CDH22: variants seen among roughly 807,000 people sequenced by gnomAD.
CDH22 encodes cadherin-22.
CDH22 carries 30 observed loss-of-function variants against 58.4 expected under a neutral mutation model. The observed-to-expected ratio is 0.51, with a 90% CI of 0.38 to 0.70. CDH22 has a LOEUF of 0.70. Ranked by LOEUF, CDH22 falls within the 30% of genes least tolerant of loss-of-function variation. The probability of loss-of-function intolerance (pLI) is 0.00; values close to 1 mark genes in which losing one functional copy is unlikely to be tolerated. For synonymous variants in CDH22, 513 were observed against 558.2 expected, an observed-to-expected ratio of 0.92 and a Z score of 1.14; for missense variants, 1,014 against 1,233.9, an observed-to-expected ratio of 0.82 and a Z score of 2.67.
intron 8 of CDH22, among the ~76,000 whole-genome samples, chr20:46,195,244 C>T (rs989304097): frequency 2.6e-5 from 4 of 152,214 alleles, no homozygotes; most frequent in African/African-American, 9.6e-5. Flanking sequence ...TTCATCCATT[C>T]GGTAAACACA....
At chr20:46,234,412 C>CA (rs2086240176) in intron 3 of CDH22, among the ~76,000 whole-genome samples, 1 of 152,148 alleles carries the variant, frequency 6.6e-6, no homozygotes, top group Non-Finnish European at 1.5e-5. Context: ...TCATTAGTAA[C>CA]ATGAAGACAC....
At chr20:46,250,994 T>A (rs750815293) in intron 2 of CDH22, 46 bp downstream of exon 2, 2 of 1,179,596 alleles carry the variant, frequency 1.7e-6, no homozygotes, top group South Asian at 1.2e-5. Flanking sequence ...CCCGTGGGTG[T>A]CCCCAGGGTC....
intron 1 of CDH22, among the ~76,000 whole-genome samples, chr20:46,263,423 TGTGTGC>T (rs1401243711): frequency 6.6e-6 from 1 of 151,618 alleles, no homozygotes; most frequent in Non-Finnish European, 1.5e-5. Flanking sequence ...TGTGTGTGTG[TGTGTGC>T]GTGTGTGTGC....
At chr20:46,290,801 A>C (rs1163670901) in intron 1 of CDH22, among the ~76,000 whole-genome samples, 1 of 151,836 alleles carries the variant, frequency 6.6e-6, no homozygotes, top group Non-Finnish European at 1.5e-5. Flanking sequence ...AGAGAGAGAG[A>C]GTAATAGTTT....
chr20:46,292,584 G>A (rs559971827), intron 1 of CDH22, among the ~76,000 whole-genome samples: 1 of 152,200 alleles, frequency 6.6e-6, no homozygotes, highest in Non-Finnish European at 1.5e-5. Flanking sequence ...CTTAGTCCTG[G>A]CTGTGCCTGC....
Position 46,174,143 on chromosome 20 carries a change from G to T in CDH22, c.*363C>A. On this transcript the variant is annotated 3_prime_UTR_variant, in exon 12 of 12. Transcript: ENST00000537909. This position sits in a 1 kb window ranked among gnomAD's most constrained non-coding sequence, Gnocchi z 4.4. Reference sequence around the variant, plus strand: ...ACTCTGATGGGGGAAACCTGGGGTGGGGGCATCTCAGCGGCGTGCTCCCTC... The same window carrying T: ...ACTCTGATGGGGGAAACCTGGGGTGTGGGCATCTCAGCGGCGTGCTCCCTC... 3.3e-6 allele frequency: 1 copy of T among 299,848 alleles called. No individual in the cohort carries two copies. Among genetic ancestry groups the T allele is most frequent in the Non-Finnish European group, 6.1e-6 (1 of 163,892 alleles). 18.6% of individuals were successfully genotyped at this position (299,848 alleles called of 1,614,324 possible). A position where few individuals can be genotyped will look rare whatever the true frequency, so the allele number is the denominator to read the frequency against.
intron 10 of CDH22, among the ~76,000 whole-genome samples, chr20:46,186,104 C>T (rs2085822985): frequency 6.7e-6 from 1 of 149,856 alleles, no homozygotes; most frequent in South Asian, 2.1e-4. Context: ...CTCCGAGCTA[C>T]TTGGGAGGCT....
intron 1 of CDH22, among the ~76,000 whole-genome samples, chr20:46,284,477 T>C (rs2086567033): frequency 6.6e-6 from 1 of 152,238 alleles, no homozygotes; most frequent in East Asian, 1.9e-4. Context: ...GAATCCCTGC[T>C]GTATGCAAGC....
chr20:46,202,302 C>CT (rs536219923), intron 7 of CDH22, among the ~76,000 whole-genome samples: 1 of 151,922 alleles, frequency 6.6e-6, no homozygotes, highest in Non-Finnish European at 1.5e-5. Context: ...TACAGCGACT[C>CT]TGTCACAGAA....
At position 46,178,105 on chromosome 20, in the gene CDH22, G is replaced by A. The variant is rs866949028; in HGVS notation, c.1756C>T (p.Pro586Ser). The change falls in exon 11 of 12, where the codon CCG (proline) becomes TCG (serine). Residue 586 changes from proline (P) to serine (S), a missense_variant. Transcript: ENST00000537909. ...FLPILVVDSG[P>S]PTLSSTGTLT... ...GTGCCTGTGCTGCTCAGTGTGGGCG[G>A]CCCACTGTCTACCACCAGGATGGGC... 2.5e-6 allele frequency: 4 copies of A among 1,613,822 alleles called. No homozygotes were observed. The highest frequency in any genetic ancestry group is 3.3e-5 in the Admixed American group (2 of 59,998).
chr20:46,299,114 T>G (rs1249202192), intron 1 of CDH22, among the ~76,000 whole-genome samples: 1 of 152,174 alleles, frequency 6.6e-6, no homozygotes, highest in African/African-American at 2.4e-5. Flanking sequence ...AGCCTGGAGC[T>G]CCACGCATCT....
chr20:46,232,687 A>T (rs1284161825), intron 3 of CDH22, among the ~76,000 whole-genome samples: 2 of 152,156 alleles, frequency 1.3e-5, no homozygotes, highest in East Asian at 3.8e-4. Flanking sequence ...ATTAAAAATT[A>T]AAAACCACTT....
In CDH22 at chr20:46,227,640, G is replaced by C; in HGVS notation, c.551-13C>G. ...ATCACCGACGTGCCTGGGCCCGGGG[G>C]ACCAAGCGAGACAGGGGTCATCTGG... is the stretch of plus-strand genomic sequence containing the variant. On this transcript the variant is annotated splice_polypyrimidine_tract_variant and intron_variant, in intron 3 of 11. Transcript: ENST00000537909. 3 of 1,604,514 alleles carry C rather than the reference G, an allele frequency of 1.9e-6. No homozygotes were observed. The highest frequency in any genetic ancestry group is 2.6e-6 in the Non-Finnish European group (3 of 1,176,164).
At chr20:46,244,971 G>A (rs1465775407) in intron 2 of CDH22, among the ~76,000 whole-genome samples, 2 of 152,190 alleles carry the variant, frequency 1.3e-5, no homozygotes, top group Admixed American at 6.5e-5. Context: ...GCATGACCCT[G>A]GGCAAGTGGC....
chr20:46,259,119 A>G (rs1357459558), intron 1 of CDH22, among the ~76,000 whole-genome samples: 1 of 152,210 alleles, frequency 6.6e-6, no homozygotes, highest in Non-Finnish European at 1.5e-5. Flanking sequence ...TTCATTCCAC[A>G]AACTCTTACA....
chr20:46,212,189 A>C (rs991717975), intron 6 of CDH22, among the ~76,000 whole-genome samples: 1 of 152,244 alleles, frequency 6.6e-6, no homozygotes, highest in Non-Finnish European at 1.5e-5. Flanking sequence ...GCTGATAGGC[A>C]CAGATTTAAG....
At chr20:46,223,817 T>TTCCTTC (rs2086151133) in intron 4 of CDH22, among the ~76,000 whole-genome samples, 1 of 138,070 alleles carries the variant, frequency 7.2e-6, no homozygotes, top group African/African-American at 2.8e-5. Context: ...TTTCTTCCTT[T>TTCCTTC]CTTCCTTCCT....
chr20:46,307,963 C>T (rs921050376), intron 1 of CDH22, among the ~76,000 whole-genome samples: 1 of 151,732 alleles, frequency 6.6e-6, no homozygotes, highest in Non-Finnish European at 1.5e-5. Context: ...CCCGGGCGCG[C>T]GGCGGACGAG....
intron 10 of CDH22, among the ~76,000 whole-genome samples, 179 bp downstream of exon 10, chr20:46,186,409 C>T (rs940766081): frequency 6.6e-6 from 1 of 151,764 alleles, no homozygotes; most frequent in Admixed American, 6.6e-5. Flanking sequence ...CACCAACCCA[C>T]ACCCTGCTTG....
Sources: allele counts gnomAD v4.1 joint callset (sites outside exome capture counted in the v4.1 genomes callset), GRCh38; gene constraint gnomAD v4.1.1; non-coding constraint Gnocchi (gnomAD v3.1); transcripts MANE v1.5; gene names NCBI Gene and HGNC (gene_info 2026-07-23, HGNC 2026-07-21).